Variants in C12orf76 observed in about 807,000 individuals in gnomAD.
C12orf76 encodes the protein uncharacterized protein C12orf76.
Under a neutral mutation model 6.8 loss-of-function variants are expected in C12orf76, and 6 were observed. The observed-to-expected ratio is 0.88, with a 90% CI of 0.48 to 1.73. The LOEUF is 1.73. Ranked by LOEUF, C12orf76 falls within the 40% of genes most tolerant of loss-of-function variation. The pLI is 0.01. For missense variants in C12orf76, 99 were observed against 98.2 expected (o/e 1.01, Z -0.03); for synonymous variants, 56 against 43.7 (o/e 1.28, Z -1.11).
chr12:110,050,939 G>C (rs1892563887), upstream of C12orf76: 2 of 698,590 alleles, frequency 2.9e-6, no homozygotes, highest in Non-Finnish European at 5.2e-6. Context: ...GCAGAAACCT[G>C]ACCCAATGGC....
chr12:110,051,226 G>C (rs555107696), upstream of C12orf76: 69 of 767,136 alleles, frequency 9.0e-5, 1 homozygote, highest in Middle Eastern at 2.3e-4. Context: ...TGGGAGGCAG[G>C]CTCTGCAGGC....
upstream of C12orf76, chr12:110,049,560 TTGGGGGAGATTACAAAGTACCTTAAGGG>T: frequency 3.9e-5 from 6 of 152,198 alleles, no homozygotes; most frequent in East Asian, 3.9e-4. Flanking sequence ...CTTCTTAAGG[TTGGGGGAGATTACAAAGTACCTTAAGGG>T]TGGGGGAGAT....
chr12:110,051,829 A>G (rs558964626), upstream of C12orf76, among the ~76,000 whole-genome samples: 1 of 151,282 alleles, frequency 6.6e-6, no homozygotes, highest in South Asian at 2.1e-4. Context: ...TGCACCTTCT[A>G]GTCAAAGGCT....
upstream of C12orf76, chr12:110,050,937 C>G (rs989422291): frequency 4.3e-6 from 3 of 695,066 alleles, no homozygotes; most frequent in Non-Finnish European, 5.3e-6. Context: ...GTGCAGAAAC[C>G]TGACCCAATG....
chr12:110,048,248 A>C, intron 1 of C12orf76, 115 bp downstream of exon 1: 1 of 1,280,234 alleles, frequency 7.8e-7, no homozygotes, highest in Non-Finnish European at 1.0e-6. Flanking sequence ...CACCCCCCGC[A>C]CTCACCCATC....
chr12:110,051,429 T>A (rs1892573608), upstream of C12orf76: 1 of 603,278 alleles, frequency 1.7e-6, no homozygotes, highest in Non-Finnish European at 2.9e-6. Context: ...CTGCCCCCAA[T>A]CTCATTTTTT....
In C12orf76 at chr12:110,048,522, G is replaced by A. The variant is rs748398551; in HGVS notation, c.-27C>T. On this transcript the variant is annotated 5_prime_UTR_variant, in exon 1 of 2. Transcript: ENST00000615315. ...TTCCCCAGCCCTGCAGAAGCAGAGA[G>A]GCCACTTCCGTCGCAAGCCCTGCCT... is the stretch of plus-strand genomic sequence containing the variant. The A allele has an allele frequency of 8.7e-6, 12 of 1,386,166 alleles. No homozygotes were observed. In the South Asian group the frequency reaches 1.3e-4, roughly 15 times the overall value. 85.9% of individuals were successfully genotyped at this position (1,386,166 alleles called of 1,614,324 possible). A position where few individuals can be genotyped will look rare whatever the true frequency, so the allele number is the denominator to read the frequency against.
chr12:110,063,021 C>T (rs1892799462), intron 2 of C12orf76, among the ~76,000 whole-genome samples: 1 of 151,470 alleles, frequency 6.6e-6, no homozygotes, highest in African/African-American at 2.4e-5. Flanking sequence ...CTCACTGCAA[C>T]CTCCGCCTCC....
chr12:110,065,275 A>AT (rs1283944539), intron 2 of C12orf76, among the ~76,000 whole-genome samples: 1 of 151,662 alleles, frequency 6.6e-6, no homozygotes. Flanking sequence ...GATTCAAGCA[A>AT]TTTTTGTGCC....
chr12:110,059,050 T>C, exon 3 of C12orf76: 1 of 1,551,728 alleles, frequency 6.4e-7, no homozygotes, highest in Non-Finnish European at 8.7e-7. Flanking sequence ...CAAGGTCACA[T>C]GGTAAACAGC....
chr12:110,051,308 G>A, upstream of C12orf76: 3 of 703,376 alleles, frequency 4.3e-6, no homozygotes, highest in East Asian at 5.4e-5. Flanking sequence ...TCTGCACAAT[G>A]GGAAGCATAA....
intron 2 of C12orf76, among the ~76,000 whole-genome samples, chr12:110,062,940 GCTGAATAAAGAGA>G (rs1892797882): frequency 6.6e-6 from 1 of 151,332 alleles, no homozygotes; most frequent in East Asian, 1.9e-4. Flanking sequence ...CCTGCAGCGG[GCTGAATAAAGAGA>G]TTTTTTTTTT....
chr12:110,042,370 G>A lies in C12orf76; in HGVS notation c.*4C>T, dbSNP rs770763405. The stretch of plus-strand genomic sequence containing the variant: ...AAATACTCATTGAAGAACTTGTCTG[G>A]CTGTCACCGACGCCGAATGGGCTTG... On this transcript the variant is annotated 3_prime_UTR_variant, in exon 2 of 2. Coordinates refer to ENST00000615315, the MANE Select transcript of C12orf76 (RefSeq NM_001389625.1). The A allele has an allele frequency of 1.9e-6, 3 of 1,612,106 alleles. No individual in the cohort carries two copies. Among genetic ancestry groups the A allele is most frequent in the Non-Finnish European group, 1.7e-6 (2 of 1,178,202 alleles).
intron 3 of C12orf76, among the ~76,000 whole-genome samples, chr12:110,058,083 A>AG (rs1297033501): frequency 2.6e-5 from 4 of 151,042 alleles, no homozygotes; most frequent in Non-Finnish European, 4.4e-5. Flanking sequence ...AAAAAAAAAA[A>AG]AAAAAAAGAA....
intron 2 of C12orf76, among the ~76,000 whole-genome samples, chr12:110,062,083 G>A (rs1892780669): frequency 6.6e-6 from 1 of 151,874 alleles, no homozygotes; most frequent in African/African-American, 2.4e-5. Context: ...GGCCAACGTG[G>A]TAAGACCCCC....
chr12:110,048,701 CT>C (rs1236134363), upstream of C12orf76: 6 of 1,233,266 alleles, frequency 4.9e-6, no homozygotes, highest in Non-Finnish European at 6.1e-6. Context: ...CCCGGACCAA[CT>C]TTCCGTTCAG....
intron 4 of C12orf76, among the ~76,000 whole-genome samples, chr12:110,056,751 G>A (rs1892675065): frequency 6.6e-6 from 1 of 152,144 alleles, no homozygotes; most frequent in Non-Finnish European, 1.5e-5. Context: ...CCTGGTGGGA[G>A]ATAGTGACTA....
chr12:110,063,511 A>T (rs1381943749), intron 2 of C12orf76, among the ~76,000 whole-genome samples: 2 of 151,402 alleles, frequency 1.3e-5, no homozygotes, highest in Non-Finnish European at 2.9e-5. Flanking sequence ...GCTGGTCTCA[A>T]ACTCTGGACC....
At chr12:110,069,689 C>T (rs1202506370), upstream of C12orf76, among the ~76,000 whole-genome samples, 3 of 152,140 alleles carry the variant, frequency 2.0e-5, no homozygotes, top group Non-Finnish European at 4.4e-5. Flanking sequence ...AAGATGCTCA[C>T]TCTGTGAGAA....
Sources: allele counts gnomAD v4.1 joint callset (sites outside exome capture counted in the v4.1 genomes callset), GRCh38; gene constraint gnomAD v4.1.1; transcripts MANE v1.5; gene names NCBI Gene and HGNC (gene_info 2026-07-23, HGNC 2026-07-21).